Variants in TMEM150C observed in about 807,000 individuals in gnomAD.
TMEM150C encodes the protein transmembrane protein 150C.
Under a neutral mutation model 29.9 loss-of-function variants are expected in TMEM150C, and 10 were observed. The ratio of observed to expected loss-of-function variants is 0.33; its 90% CI spans 0.21 to 0.57. The LOEUF is 0.57. TMEM150C is among the 20% of genes least tolerant of loss of function. The probability of loss-of-function intolerance (pLI) is 0.88; values close to 1 mark genes in which losing one functional copy is unlikely to be tolerated. For synonymous variants in TMEM150C, 101 were observed against 112.5 expected, an observed-to-expected ratio of 0.90 and a Z score of 0.64; for missense variants, 251 against 303.6, an observed-to-expected ratio of 0.83 and a Z score of 1.29.
intron 1 of TMEM150C, among the ~76,000 whole-genome samples, chr4:82,511,911 C>T (rs1724139294): frequency 6.6e-6 from 1 of 152,188 alleles, no homozygotes; most frequent in African/African-American, 2.4e-5. Context: ...ATATTGCCCA[C>T]ATGTGGCAGA....
chr4:82,487,060 C>A (rs1723186557), intron 7 of TMEM150C, among the ~76,000 whole-genome samples: 2 of 152,074 alleles, frequency 1.3e-5, no homozygotes, highest in Non-Finnish European at 2.9e-5. Flanking sequence ...GCTTTGCTAA[C>A]TGGGCCTTCA....
chr4:82,513,186 G>A (rs1234209239), intron 1 of TMEM150C, among the ~76,000 whole-genome samples: 1 of 152,208 alleles, frequency 6.6e-6, no homozygotes, highest in Non-Finnish European at 1.5e-5. Context: ...TCATACAGGA[G>A]AGCTCTGGCT....
At chr4:82,536,427 A>G (rs1034412609) in intron 1 of TMEM150C, among the ~76,000 whole-genome samples, 1 of 152,138 alleles carries the variant, frequency 6.6e-6, no homozygotes, top group African/African-American at 2.4e-5. Context: ...AACGGGGAAA[A>G]AATGACCCAC....
Position 82,507,725 on chromosome 4 carries a change from CTCTTTTTTTTTTTTTT to C in TMEM150C, c.-10-3074_-10-3059del, listed in dbSNP as rs1723979790. ...TATTAAATTAACTCTCTCTCTCTCT[CTCTTTTTTTTTTTTTT>C]TTTTTTTTTTTTTTTTTTTTTTTTT... On this transcript the variant is annotated intron_variant, in intron 1 of 7. Transcript: ENST00000449862. 1.8e-4 allele frequency among the ~76,000 whole-genome samples: 5 copies of C among 27,862 alleles called. 1 individual carries two copies. The South Asian group carries it at 3.6e-3, about 20-fold the overall frequency. 18.3% of individuals were successfully genotyped at this position (27,862 alleles called of 152,430 possible).
rs114832782 is a variant in TMEM150C, at chr4:82,522,355, C to T, written c.-10-17688G>A. On this transcript the variant is annotated intron_variant, in intron 1 of 7. Coordinates refer to ENST00000449862, the MANE Select transcript of TMEM150C (RefSeq NM_001080506.3). The stretch of plus-strand genomic sequence containing the variant: ...AAGATGGGAGTAAGCTCCAATAACA[C>T]GCCACAGAACACATTCTGGCAATCA... Among the ~76,000 whole-genome samples, 701 of 152,316 alleles carry T rather than the reference C, an allele frequency of 4.6e-3. 6 individuals carry two copies. The highest frequency in any genetic ancestry group is 0.016 in the African/African-American group (669 of 41,560).
intron 1 of TMEM150C, among the ~76,000 whole-genome samples, chr4:82,527,239 G>T (rs1332892688): frequency 6.6e-6 from 1 of 152,038 alleles, no homozygotes; most frequent in South Asian, 2.1e-4. Context: ...TAATTTGGAG[G>T]TGAAAGTGAA....
intron 1 of TMEM150C, among the ~76,000 whole-genome samples, chr4:82,527,019 C>CTTTTTTTTTT (rs893109064): frequency 1.3e-5 from 1 of 74,720 alleles, no homozygotes; most frequent in Non-Finnish European, 2.4e-5. Context: ...CATACTGGGT[C>CTTTTTTTTTT]TTTTTTTTTT....
intron 1 of TMEM150C, among the ~76,000 whole-genome samples, chr4:82,526,969 T>C (rs942758217): frequency 6.6e-6 from 1 of 151,514 alleles, no homozygotes; most frequent in African/African-American, 2.4e-5. Context: ...CCGATTCCAC[T>C]GTCAGCCAAT....
At chr4:82,534,747 A>G (rs950360486) in intron 1 of TMEM150C, among the ~76,000 whole-genome samples, 1 of 152,198 alleles carries the variant, frequency 6.6e-6, no homozygotes, top group Admixed American at 6.5e-5. Flanking sequence ...AGTGATTGTA[A>G]TACACATTAA....
intron 1 of TMEM150C, among the ~76,000 whole-genome samples, chr4:82,518,905 A>C (rs1424517097): frequency 6.6e-6 from 1 of 152,192 alleles, no homozygotes; most frequent in Non-Finnish European, 1.5e-5. Context: ...TCTTCCTTAG[A>C]TAACTATTTA....
chr4:82,491,210 T>C lies in TMEM150C; in HGVS notation c.364-972A>G, dbSNP rs557993353. 160 of 690,322 alleles carry C rather than the reference T, an allele frequency of 2.3e-4. 2 individuals are homozygous for C. Among genetic ancestry groups the C allele is most frequent in the South Asian group, 2.0e-3 (133 of 66,942 alleles). 42.8% of individuals were successfully genotyped at this position (690,322 alleles called of 1,614,324 possible). A position where few individuals can be genotyped will look rare whatever the true frequency, so the allele number is the denominator to read the frequency against. On this transcript the variant is annotated intron_variant, in intron 6 of 7. Coordinates refer to ENST00000449862, the MANE Select transcript of TMEM150C (RefSeq NM_001080506.3). ...CCAAGGTGGTGACAGTGTTAACTCCTACTCGAAGGGCAGGTGGTCTCTTAG... is the reference window on the plus strand; with the variant it reads ...CCAAGGTGGTGACAGTGTTAACTCCCACTCGAAGGGCAGGTGGTCTCTTAG...
Position 82,484,089 on chromosome 4 carries a change from C to G in TMEM150C, c.*1422G>C, listed in dbSNP as rs1427205631. On this transcript the variant is annotated 3_prime_UTR_variant, in exon 8 of 8. Transcript: ENST00000449862. ...TTACAGGTGTGAGCCCCACACCCAG[C>G]CTAAAAAATGTTTTTCATATTATAT... 6.6e-6 allele frequency: 1 copy of G among 151,986 alleles called. No individual in the cohort carries two copies. Among genetic ancestry groups the G allele is most frequent in the Non-Finnish European group, 1.5e-5 (1 of 68,012 alleles). 9.4% of individuals were successfully genotyped at this position (151,986 alleles called of 1,614,324 possible). A position where few individuals can be genotyped will look rare whatever the true frequency, so the allele number is the denominator to read the frequency against.
rs3832273 is a variant in TMEM150C at position 82,485,396 on chromosome 4, A to ATGTGTGTG, written c.*107_*114dup. 7.1e-3 allele frequency: 4,924 copies of ATGTGTGTG among 694,118 alleles called. 9 individuals are homozygous for ATGTGTGTG. The highest frequency in any genetic ancestry group is 0.012 in the East Asian group (407 of 34,780). The allele number at this position is 694,118 out of a possible 1,614,324, so 43.0% of individuals were successfully genotyped here. A position where few individuals can be genotyped will look rare whatever the true frequency, so the allele number is the denominator to read the frequency against. On this transcript the variant is annotated 3_prime_UTR_variant, in exon 8 of 8. Coordinates refer to ENST00000449862, the MANE Select transcript of TMEM150C (RefSeq NM_001080506.3). ...GCTCATTTGGCAAATGTGGCCATGA[A>ATGTGTGTG]TGTGTGTGTGTGTGTGTGTGTGAAA... is the stretch of plus-strand genomic sequence containing the variant.
intron 1 of TMEM150C, among the ~76,000 whole-genome samples, chr4:82,522,337 G>T (rs1012668285): frequency 6.6e-6 from 1 of 152,190 alleles, no homozygotes; most frequent in Non-Finnish European, 1.5e-5. Context: ...GACAAGATGG[G>T]AGTAAGCTCC....
At chr4:82,538,994 G>A (rs1164028567) in intron 1 of TMEM150C, among the ~76,000 whole-genome samples, 2 of 152,124 alleles carry the variant, frequency 1.3e-5, no homozygotes, top group African/African-American at 2.4e-5. Context: ...TTGAGCCTGG[G>A]AGGTCAAAGC....
chr4:82,544,711 A>C (rs2056184), intron 1 of TMEM150C, among the ~76,000 whole-genome samples: 52,677 of 151,220 alleles, frequency 0.35, 13,463 homozygotes, highest in African/African-American at 0.73. Context: ...CCAGGCAGGT[A>C]GAGGCTGCAG....
At chr4:82,551,443 A>C (rs1459087007) in intron 1 of TMEM150C, among the ~76,000 whole-genome samples, 1 of 152,232 alleles carries the variant, frequency 6.6e-6, no homozygotes, top group South Asian at 2.1e-4. Flanking sequence ...GAATGAGTGA[A>C]TGAGTAAATG....
chr4:82,502,193 A>G (rs759195372), intron 5 of TMEM150C, among the ~76,000 whole-genome samples: 1 of 152,214 alleles, frequency 6.6e-6, no homozygotes. Context: ...GGGGCTAGAT[A>G]TGAGTACTAA....
chr4:82,553,554 G>A (rs2110093768), intron 1 of TMEM150C, among the ~76,000 whole-genome samples: 1 of 152,294 alleles, frequency 6.6e-6, no homozygotes, highest in Non-Finnish European at 1.5e-5. Flanking sequence ...ACTGAACAGG[G>A]GAGCAGTTAT....
Sources: gnomAD v4.1 joint callset for allele counts (sites outside exome capture counted in the v4.1 genomes callset) on GRCh38, gnomAD v4.1.1 for gene constraint, MANE v1.5 for transcripts, NCBI Gene and HGNC (gene_info 2026-07-23, HGNC 2026-07-21) for gene names.